Variants in CEP128 observed in about 807,000 individuals in gnomAD.
CEP128 encodes the protein centrosomal protein 128kDa.
CEP128 carries 132 observed loss-of-function variants against 156.7 expected under a neutral mutation model. That is an observed-to-expected ratio of 0.84 (90% CI 0.73 to 0.97). The LOEUF (loss-of-function observed/expected upper bound fraction) is 0.97. CEP128 is among the 50% of genes least tolerant of loss of function. CEP128 has a pLI of 0.00. For missense variants in CEP128, 1,252 were observed against 1,281.9 expected (o/e 0.98, Z 0.36); for synonymous variants, 469 against 448.9 (o/e 1.04, Z -0.57).
chr14:80,921,920 G>A (rs556352314), intron 2 of CEP128, among the ~76,000 whole-genome samples: 3 of 147,764 alleles, frequency 2.0e-5, no homozygotes, highest in Admixed American at 2.0e-4. Context: ...CCAAGATCAC[G>A]CCACTGCACT....
At chr14:80,698,041 A>C (rs1367809923) in intron 19 of CEP128, among the ~76,000 whole-genome samples, 1 of 152,056 alleles carries the variant, frequency 6.6e-6, no homozygotes, top group Non-Finnish European at 1.5e-5. Context: ...ATGATACTCC[A>C]TCTTTGAACT....
intron 2 of CEP128, among the ~76,000 whole-genome samples, chr14:80,952,461 T>C (rs1886487277): frequency 6.6e-6 from 1 of 151,972 alleles, no homozygotes; most frequent in Non-Finnish European, 1.5e-5. Flanking sequence ...TGAATACAAA[T>C]GAAATTACAA....
chr14:80,503,026 TAG>T (rs1431496342), intron 24 of CEP128, among the ~76,000 whole-genome samples: 16 of 152,120 alleles, frequency 1.1e-4, no homozygotes, highest in African/African-American at 3.9e-4. Flanking sequence ...ATAAGGTAGC[TAG>T]GATTAAATTT....
At chr14:80,597,106 A>G (rs1023143256) in intron 19 of CEP128, among the ~76,000 whole-genome samples, 2 of 151,890 alleles carry the variant, frequency 1.3e-5, no homozygotes, top group Admixed American at 6.6e-5. Flanking sequence ...AACAAGAGGG[A>G]AAAAAAAGTC....
chr14:80,494,458 A>T (rs1330421490), downstream of CEP128, among the ~76,000 whole-genome samples: 3 of 152,222 alleles, frequency 2.0e-5, no homozygotes, highest in Non-Finnish European at 4.4e-5. Flanking sequence ...AATCCTGAGT[A>T]AAACAATTTG....
At chr14:80,802,855 A>G (rs1406571463) in intron 13 of CEP128, among the ~76,000 whole-genome samples, 1 of 152,190 alleles carries the variant, frequency 6.6e-6, no homozygotes, top group Admixed American at 6.5e-5. Flanking sequence ...AACATTAAAA[A>G]TAATTGAACA....
At chr14:80,919,770 T>C (rs937831092) in intron 2 of CEP128, among the ~76,000 whole-genome samples, 1 of 152,132 alleles carries the variant, frequency 6.6e-6, no homozygotes, top group African/African-American at 2.4e-5. Flanking sequence ...GAATGATCTC[T>C]CACCACCACT....
chr14:80,755,244 G>T (rs1899594301), intron 18 of CEP128, among the ~76,000 whole-genome samples: 1 of 152,106 alleles, frequency 6.6e-6, no homozygotes, highest in African/African-American at 2.4e-5. Flanking sequence ...ACTTGGACTG[G>T]CTCTCCTTGC....
intron 21 of CEP128, among the ~76,000 whole-genome samples, chr14:80,542,611 A>T (rs1889814318): frequency 6.6e-6 from 1 of 152,176 alleles, no homozygotes; most frequent in South Asian, 2.1e-4. Flanking sequence ...GAGTGCTCTG[A>T]AGAGCAACAT....
At chr14:80,495,017 G>C (rs186341927), downstream of CEP128, among the ~76,000 whole-genome samples, 1 of 152,116 alleles carries the variant, frequency 6.6e-6, no homozygotes, top group Non-Finnish European at 1.5e-5. Context: ...CAACTTCAAC[G>C]GAAGTTTAGT....
At chr14:80,658,035 C>T (rs1037674734) in intron 19 of CEP128, among the ~76,000 whole-genome samples, 13 of 152,124 alleles carry the variant, frequency 8.5e-5, no homozygotes, top group African/African-American at 3.1e-4. Context: ...TAACAGGAGA[C>T]CTGTGTTACT....
intron 24 of CEP128, among the ~76,000 whole-genome samples, chr14:80,499,205 G>A (rs547190961): frequency 2.0e-5 from 3 of 152,284 alleles, no homozygotes; most frequent in East Asian, 1.9e-4. Context: ...GCTGAGGACA[G>A]GTTACATATG....
chr14:80,953,080 A>G (rs1886499015), intron 2 of CEP128, among the ~76,000 whole-genome samples: 1 of 152,232 alleles, frequency 6.6e-6, no homozygotes, highest in African/African-American at 2.4e-5. Context: ...TAAGAAAGGA[A>G]TGATATCAGT....
chr14:80,793,186 A>C, intron 13 of CEP128, 76 bp from the exon 14 acceptor site: 2 of 1,070,402 alleles, frequency 1.9e-6, no homozygotes, highest in South Asian at 1.5e-5. Context: ...TCAAACAAGA[A>C]TCTCTAATGT....
At chr14:80,836,515 T>C (rs1886085801) in intron 11 of CEP128, among the ~76,000 whole-genome samples, 178 bp from the exon 12 acceptor site, 1 of 152,186 alleles carries the variant, frequency 6.6e-6, no homozygotes, top group Non-Finnish European at 1.5e-5. Flanking sequence ...AATGAATGGC[T>C]TTTCCTTCTC....
intron 20 of CEP128, among the ~76,000 whole-genome samples, chr14:80,570,368 G>A (rs565138418): frequency 5.9e-5 from 9 of 152,162 alleles, no homozygotes; most frequent in African/African-American, 1.7e-4. Flanking sequence ...CGCCCACCTC[G>A]GCCTCCCAAA....
chr14:80,648,375 G>T (rs966696802), intron 19 of CEP128, among the ~76,000 whole-genome samples: 6 of 152,068 alleles, frequency 3.9e-5, no homozygotes, highest in African/African-American at 1.4e-4. Context: ...ATTAGTGGCT[G>T]CAACTAATCT....
At chr14:80,901,495 T>C (rs989275037) in intron 6 of CEP128, among the ~76,000 whole-genome samples, 4 of 152,178 alleles carry the variant, frequency 2.6e-5, no homozygotes, top group African/African-American at 9.7e-5. Flanking sequence ...ACAAATTTTT[T>C]ACGGGGGCAT....
chr14:80,920,860 T>C (rs1334801151), intron 2 of CEP128, among the ~76,000 whole-genome samples: 3 of 152,238 alleles, frequency 2.0e-5, no homozygotes, highest in African/African-American at 7.2e-5. Context: ...CTTGTCTGGA[T>C]GTCAGCAGGT....
Sources: gnomAD v4.1 joint callset for allele counts (sites outside exome capture counted in the v4.1 genomes callset) on GRCh38, gnomAD v4.1.1 for gene constraint, MANE v1.5 for transcripts, NCBI Gene and HGNC (gene_info 2026-07-23, HGNC 2026-07-21) for gene names.